The following CREM variants were observed in gnomAD, a reference collection of about 807,000 sequenced individuals.
CREM encodes cAMP-responsive element modulator.
In CREM, 13 loss-of-function variants were observed where a neutral mutation model predicts 37.3. The ratio of observed to expected loss-of-function variants is 0.35; its 90% confidence interval spans 0.23 to 0.55. The LOEUF is 0.55. Ranked by LOEUF, CREM falls within the 20% of genes least tolerant of loss-of-function variation. CREM has a pLI of 0.88. For synonymous variants in CREM, 124 were observed against 120.2 expected, an observed-to-expected ratio of 1.03 and a Z score of -0.21; for missense variants, 296 against 362.3, an observed-to-expected ratio of 0.82 and a Z score of 1.49.
chr10:35,137,543 G>T (rs1198376927), intron 1 of CREM, among the ~76,000 whole-genome samples: 2 of 152,064 alleles, frequency 1.3e-5, no homozygotes, highest in Non-Finnish European at 2.9e-5. Context: ...TCCCTAGGAA[G>T]ATAAGAAAAA....
intron 6 of CREM, among the ~76,000 whole-genome samples, chr10:35,206,402 G>A (rs1295777730): frequency 6.6e-6 from 1 of 152,026 alleles, no homozygotes; most frequent in Non-Finnish European, 1.5e-5. Context: ...GTGGGTATTG[G>A]CATCTGTTTT....
chr10:35,186,999 TATATATA>T (rs1403638212), intron 5 of CREM, among the ~76,000 whole-genome samples: 19 of 90,612 alleles, frequency 2.1e-4, no homozygotes, highest in African/African-American at 8.0e-4. Flanking sequence ...TATTATATAT[TATATATA>T]ATATAATATA....
chr10:35,171,175 T>C (rs1005131633), intron 3 of CREM: 2 of 141,102 alleles, frequency 1.4e-5, no homozygotes, highest in Non-Finnish European at 3.1e-5. Context: ...TTTTTTTTTT[T>C]TTTTTTTTTT....
chr10:35,210,092 A>G (rs867818259), intron 7 of CREM, among the ~76,000 whole-genome samples: 6 of 152,188 alleles, frequency 3.9e-5, no homozygotes, highest in Middle Eastern at 3.4e-3. Context: ...TCATGTATAC[A>G]TCACATGTGG....
intron 1 of CREM, among the ~76,000 whole-genome samples, chr10:35,136,275 T>C (rs1381200213): frequency 6.6e-6 from 1 of 152,232 alleles, no homozygotes; most frequent in Non-Finnish European, 1.5e-5. Flanking sequence ...TCATTATTGT[T>C]CAAGTGCTAT....
At chr10:35,197,274 A>G (rs1185574386) in intron 6 of CREM, among the ~76,000 whole-genome samples, 30 of 152,086 alleles carry the variant, frequency 2.0e-4, no homozygotes, top group Admixed American at 1.9e-3. Flanking sequence ...CAAAATGCTG[A>G]AACTTTAAAA....
intron 2 of CREM, among the ~76,000 whole-genome samples, chr10:35,146,182 C>T (rs934753511): frequency 1.3e-5 from 2 of 152,182 alleles, no homozygotes; most frequent in African/African-American, 4.8e-5. Context: ...TGAGTTGAGA[C>T]CCAAGTTGTT....
Position 35,194,097 on chromosome 10 carries a change from C to CAAAAAAAA in CREM, c.598+5729_598+5736dup, listed in dbSNP as rs371978117. 7.0e-3 allele frequency among the ~76,000 whole-genome samples: 174 copies of CAAAAAAAA among 25,006 alleles called. 2 individuals carry two copies. Among genetic ancestry groups the CAAAAAAAA allele is most frequent in the South Asian group, 9.0e-3 (3 of 332 alleles). 16.4% of individuals were successfully genotyped at this position (25,006 alleles called of 152,430 possible). A position where few individuals can be genotyped will look rare whatever the true frequency, so the allele number is the denominator to read the frequency against. On this transcript the variant is annotated intron_variant, in intron 6 of 7. Coordinates refer to ENST00000685392, the MANE Select transcript of CREM (RefSeq NM_183011.2). ...GGGGGAGAATAGCGAGACTTCATCT[C>CAAAAAAAA]AAAAAAAAAAAAAAAAAAAAAAAAA...
intron 3 of CREM, among the ~76,000 whole-genome samples, chr10:35,166,097 T>C (rs1019634094): frequency 1.3e-5 from 2 of 152,172 alleles, no homozygotes; most frequent in African/African-American, 4.8e-5. Context: ...AAAAAAAGGA[T>C]TGGAGGCAAC....
At chr10:35,147,057 T>TG (rs1363625394) in intron 2 of CREM, among the ~76,000 whole-genome samples, 1 of 145,824 alleles carries the variant, frequency 6.9e-6, no homozygotes, top group African/African-American at 2.5e-5. Context: ...TTTTTTTTTT[T>TG]TTTTTTTTTT....
chr10:35,194,788 G>A (rs1225283343), intron 6 of CREM, among the ~76,000 whole-genome samples: 1 of 151,302 alleles, frequency 6.6e-6, no homozygotes, highest in East Asian at 1.9e-4. Context: ...TTATGAGTTA[G>A]GAAATTATGT....
chr10:35,142,856 C>T (rs182164244), intron 2 of CREM, among the ~76,000 whole-genome samples: 264 of 152,234 alleles, frequency 1.7e-3, no homozygotes, highest in Non-Finnish European at 3.1e-3. Flanking sequence ...GATCCTTCTG[C>T]CTTGGCCCCC....
Position 35,159,436 on chromosome 10 carries a change from C to T in CREM, c.168+10945C>T, listed in dbSNP as rs569031410. 2.1e-4 allele frequency among the ~76,000 whole-genome samples: 32 copies of T among 152,240 alleles called. No individual in the cohort carries two copies. In the East Asian group the frequency reaches 2.9e-3, roughly 14 times the overall value. Reference sequence around the variant, plus strand: ...AAATAAAACCATGCATTTACTTACACCAACTTATATTCAACAAAAATGGCA... The same window carrying T: ...AAATAAAACCATGCATTTACTTACATCAACTTATATTCAACAAAAATGGCA... On this transcript the variant is annotated intron_variant, in intron 3 of 7. Coordinates refer to ENST00000685392, the MANE Select transcript of CREM (RefSeq NM_183011.2).
At chr10:35,147,916 C>T (rs867398509) in intron 2 of CREM, among the ~76,000 whole-genome samples, 4 of 152,170 alleles carry the variant, frequency 2.6e-5, no homozygotes, top group Middle Eastern at 3.4e-3. Flanking sequence ...AAAACAAAAA[C>T]CAGATAGTAC....
At position 35,178,948 on chromosome 10, in the gene CREM, T is replaced by C; in HGVS notation, c.228T>C (p.His76=). The change falls in exon 4 of 8, where the codon CAT becomes CAC. Residue 76 remains histidine (H), a synonymous_variant. Coordinates refer to ENST00000685392, the MANE Select transcript of CREM (RefSeq NM_183011.2). ...SAESEGVIDS[H]KRREILSRRP... ...AATCAGAAGGTGTAATTGATTCTCA[T>C]AAACGTAGAGAAATCCTTTCACGAA... 2 of 1,613,340 alleles carry C rather than the reference T, an allele frequency of 1.2e-6. No homozygotes were observed. The highest frequency in any genetic ancestry group is 1.7e-6 in the Non-Finnish European group (2 of 1,179,766).
Position 35,127,141 on chromosome 10 carries a change from C to T in CREM, c.-107C>T, listed in dbSNP as rs1305551543. 2.0e-5 allele frequency: 3 copies of T among 152,770 alleles called. No individual in the cohort carries two copies. The highest frequency in any genetic ancestry group is 4.4e-5 in the Non-Finnish European group (3 of 68,140). 9.5% of individuals were successfully genotyped at this position (152,770 alleles called of 1,614,324 possible). A position where few individuals can be genotyped will look rare whatever the true frequency, so the allele number is the denominator to read the frequency against. Reference sequence around the variant, plus strand: ...GCGGTCGGGCTCGCCGTCTCCACCTCCTCGCGTCCGTAATCAGTGACGAGG... The same window carrying T: ...GCGGTCGGGCTCGCCGTCTCCACCTTCTCGCGTCCGTAATCAGTGACGAGG... On this transcript the variant is annotated 5_prime_UTR_variant, in exon 1 of 8. Coordinates refer to ENST00000685392, the MANE Select transcript of CREM (RefSeq NM_183011.2).
chr10:35,149,059 A>G (rs1040519813), intron 3 of CREM, among the ~76,000 whole-genome samples: 7 of 152,220 alleles, frequency 4.6e-5, no homozygotes, highest in Non-Finnish European at 8.8e-5. Flanking sequence ...GCATGTGGAT[A>G]TGTAGTTTCA....
chr10:35,201,391 G>A, intron 6 of CREM: 1 of 1,543,610 alleles, frequency 6.5e-7, no homozygotes, highest in African/African-American at 1.4e-5. Context: ...TAGACACTTT[G>A]ACATACATTG....
chr10:35,185,985 G>A (rs987941951), intron 5 of CREM, among the ~76,000 whole-genome samples: 1 of 152,176 alleles, frequency 6.6e-6, no homozygotes. Flanking sequence ...TATCGCCTAA[G>A]TGCTTTTTTG....
Sources: gnomAD v4.1 joint callset for allele counts (sites outside exome capture counted in the v4.1 genomes callset) on GRCh38, gnomAD v4.1.1 for gene constraint, MANE v1.5 for transcripts, NCBI Gene and HGNC (gene_info 2026-07-23, HGNC 2026-07-21) for gene names.